KCNMA1: variants seen among roughly 807,000 people sequenced by gnomAD.
The protein encoded by KCNMA1 is Calcium-activated potassium channel subunit alpha-1.
Under a neutral mutation model 140.0 loss-of-function variants are expected in KCNMA1, and 29 were observed. That is an observed-to-expected ratio of 0.21 (90% CI 0.15 to 0.28). The LOEUF is 0.28. Ranked by LOEUF, KCNMA1 falls within the 10% of genes least tolerant of loss-of-function variation. The pLI is 1.00. For missense variants in KCNMA1, 880 were observed against 1,602.2 expected (o/e 0.55, Z 7.70); for synonymous variants, 612 against 611.9 (o/e 1.00, Z 0.00).
At chr10:77,390,393 A>G (rs1341072537) in intron 2 of KCNMA1, among the ~76,000 whole-genome samples, 1 of 152,168 alleles carries the variant, frequency 6.6e-6, no homozygotes, top group African/African-American at 2.4e-5. Context: ...AGGTGAGTAA[A>G]CTGTTTTCTC....
chr10:77,431,514 C>A (rs1162346503), intron 1 of KCNMA1, among the ~76,000 whole-genome samples: 1 of 151,946 alleles, frequency 6.6e-6, no homozygotes, highest in East Asian at 1.9e-4. Context: ...GAGGGCAGAC[C>A]TGGGGCCCCC....
At chr10:77,253,522 G>A (rs1274459430) in intron 2 of KCNMA1, among the ~76,000 whole-genome samples, 1 of 152,216 alleles carries the variant, frequency 6.6e-6, no homozygotes, top group African/African-American at 2.4e-5. Flanking sequence ...CAGTGATGGG[G>A]ACTAATGCAT....
chr10:77,302,718 T>C (rs1467645983), intron 2 of KCNMA1, among the ~76,000 whole-genome samples: 1 of 152,018 alleles, frequency 6.6e-6, no homozygotes, highest in Non-Finnish European at 1.5e-5. Flanking sequence ...GTCCAGGGTT[T>C]TTATGGGCTC....
intron 1 of KCNMA1, among the ~76,000 whole-genome samples, chr10:77,527,412 G>C (rs1386705473): frequency 6.6e-6 from 1 of 152,242 alleles, no homozygotes; most frequent in Non-Finnish European, 1.5e-5. Flanking sequence ...CTTACACAAT[G>C]GCAGAGGAAT....
Position 77,108,642 on chromosome 10 carries a change from G to A in KCNMA1, c.1132-70C>T. 2 of 1,111,980 alleles carry A rather than the reference G, an allele frequency of 1.8e-6. No individual in the cohort carries two copies. The highest frequency in any genetic ancestry group is 1.2e-5 in the South Asian group (1 of 80,502). 68.9% of individuals were successfully genotyped at this position (1,111,980 alleles called of 1,614,324 possible). A position where few individuals can be genotyped will look rare whatever the true frequency, so the allele number is the denominator to read the frequency against. Reference sequence around the variant, plus strand: ...AGAAAAGGGGGGACCTGTTCAGAGGGTGGGGGCACTAAGATCTGAAAACAC... The same window carrying A: ...AGAAAAGGGGGGACCTGTTCAGAGGATGGGGGCACTAAGATCTGAAAACAC... On this transcript the variant is annotated intron_variant, in intron 8 of 27. Coordinates refer to ENST00000286628, the MANE Select transcript of KCNMA1 (RefSeq NM_001161352.2). The surrounding 1 kb of genome is among the most constrained non-coding windows in gnomAD (Gnocchi z 4.6).
chr10:77,558,412 CA>C (rs1297377771), intron 1 of KCNMA1, among the ~76,000 whole-genome samples: 1 of 152,030 alleles, frequency 6.6e-6, no homozygotes, highest in Non-Finnish European at 1.5e-5. Context: ...GGAGAGGGGA[CA>C]ATGGAACAAC....
chr10:77,168,945 C>T (rs185779039), intron 5 of KCNMA1, among the ~76,000 whole-genome samples: 6 of 152,196 alleles, frequency 3.9e-5, no homozygotes, highest in East Asian at 1.9e-4. Context: ...AATATGTGAA[C>T]GAATGAACAT....
chr10:77,093,057 A>G (rs2096851384), intron 9 of KCNMA1, among the ~76,000 whole-genome samples: 1 of 152,144 alleles, frequency 6.6e-6, no homozygotes, highest in Non-Finnish European at 1.5e-5. Context: ...ATTAACTTTC[A>G]CTTCTCTTAA....
rs2085648627 is a variant in KCNMA1 at position 77,329,804 on chromosome 10, G to T, written c.540+74058C>A. ...CAGTCCTAAATCCATCACTAATCAG[G>T]ATAAGACCTTGGGCAAATTGCTTCA... On this transcript the variant is annotated intron_variant, in intron 2 of 27. Coordinates refer to ENST00000286628, the MANE Select transcript of KCNMA1 (RefSeq NM_001161352.2). Among the ~76,000 whole-genome samples the T allele has an allele frequency of 2.0e-5, 3 of 152,208 alleles. No individual in the cohort carries two copies. The South Asian group carries it at 6.2e-4, about 32-fold the overall frequency.
chr10:77,567,427 G>A (rs762828098), intron 1 of KCNMA1, among the ~76,000 whole-genome samples: 1 of 152,188 alleles, frequency 6.6e-6, no homozygotes, highest in South Asian at 2.1e-4. Flanking sequence ...CCAGATAAGC[G>A]TGTGTAACTC....
chr10:77,582,941 C>T (rs926001814), intron 1 of KCNMA1, among the ~76,000 whole-genome samples: 1 of 152,250 alleles, frequency 6.6e-6, no homozygotes, highest in East Asian at 1.9e-4. Flanking sequence ...GGCCACCAGC[C>T]CCATCCGCCA....
At chr10:76,878,491 C>T (rs1403478972) in intron 29 of KCNMA1, among the ~76,000 whole-genome samples, 2 of 151,990 alleles carry the variant, frequency 1.3e-5, no homozygotes, top group African/African-American at 2.4e-5. Flanking sequence ...ATTTTGCTGG[C>T]CAAAAATCTA....
intron 1 of KCNMA1, among the ~76,000 whole-genome samples, chr10:77,605,968 C>T (rs1459935025): frequency 2.0e-5 from 3 of 152,320 alleles, no homozygotes; most frequent in South Asian, 4.1e-4. Flanking sequence ...CACCATGCCA[C>T]GCTACCCTGC....
At chr10:77,177,931 T>C (rs1397787413) in intron 5 of KCNMA1, among the ~76,000 whole-genome samples, 8 of 152,196 alleles carry the variant, frequency 5.3e-5, no homozygotes, top group Non-Finnish European at 8.8e-5. Flanking sequence ...TGTCCTTTTG[T>C]TGTTGTTGTT....
At chr10:77,151,091 T>TTCTC (rs371312636) in intron 5 of KCNMA1, among the ~76,000 whole-genome samples, 2,981 of 151,548 alleles carry the variant, frequency 0.02, 106 homozygotes, top group African/African-American at 0.069. Flanking sequence ...CTTTCTTTCT[T>TTCTC]TCTCTCTCTC....
At chr10:77,068,199 G>T (rs1416008797) in intron 14 of KCNMA1, among the ~76,000 whole-genome samples, 1 of 152,226 alleles carries the variant, frequency 6.6e-6, no homozygotes, top group Non-Finnish European at 1.5e-5. Flanking sequence ...TATGGTCATT[G>T]TGAGAATTAA....
intron 11 of KCNMA1, 46 bp from the exon 12 acceptor site, chr10:77,084,765 G>A: frequency 7.4e-7 from 1 of 1,356,814 alleles, no homozygotes; most frequent in Non-Finnish European, 1.1e-6. Flanking sequence ...CATATAAATA[G>A]CCATGCTCGA....
chr10:77,292,275 T>A (rs771375216), intron 2 of KCNMA1, among the ~76,000 whole-genome samples: 1 of 152,084 alleles, frequency 6.6e-6, no homozygotes, highest in African/African-American at 2.4e-5. Flanking sequence ...TCCATTAGAG[T>A]TGACCTGAAA....
At chr10:77,500,267 A>T (rs1388834079) in intron 1 of KCNMA1, among the ~76,000 whole-genome samples, 2 of 150,844 alleles carry the variant, frequency 1.3e-5, no homozygotes, top group East Asian at 3.9e-4. Context: ...TATATAATAA[A>T]TAAATATATA....
Sources: gnomAD v4.1 joint callset for allele counts (sites outside exome capture counted in the v4.1 genomes callset) on GRCh38, gnomAD v4.1.1 for gene constraint, Gnocchi (gnomAD v3.1) non-coding constraint, MANE v1.5 for transcripts, NCBI Gene and HGNC (gene_info 2026-07-23, HGNC 2026-07-21) for gene names.